The following ARHGAP24 variants were observed in gnomAD, a reference collection of about 807,000 sequenced individuals.
The protein encoded by ARHGAP24 is rho GTPase-activating protein 24.
In ARHGAP24, 50 loss-of-function variants were observed where a neutral mutation model predicts 76.4. The ratio of observed to expected loss-of-function variants is 0.65; its 90% CI spans 0.52 to 0.83. The LOEUF (loss-of-function observed/expected upper bound fraction) is 0.83, where lower values mean the gene tolerates loss of function less well. ARHGAP24 is among the 40% of genes least tolerant of loss of function. ARHGAP24 has a pLI of 0.00. For missense variants in ARHGAP24, 930 were observed against 914.2 expected (o/e 1.02, Z -0.22); for synonymous variants, 345 against 323.3 (o/e 1.07, Z -0.72).
intron 3 of ARHGAP24, among the ~76,000 whole-genome samples, chr4:85,802,993 C>T (rs1728641771): frequency 1.3e-5 from 2 of 152,194 alleles, no homozygotes; most frequent in Non-Finnish European, 2.9e-5. Flanking sequence ...AACTCTTTAG[C>T]ACAGCCTGAG....
rs140636681 is a variant in ARHGAP24, at chr4:85,763,972, T to C, written c.268+42000T>C. ...AAAAGTCAGCATCCTATATTTTTAA[T>C]ATCAATGTACATATCATACTTTATT... On this transcript the variant is annotated intron_variant, in intron 3 of 9. Coordinates refer to ENST00000395184, the MANE Select transcript of ARHGAP24 (RefSeq NM_001025616.3). Among the ~76,000 whole-genome samples the C allele has an allele frequency of 2.4e-3, 372 of 152,300 alleles. 1 individual carries two copies. Among genetic ancestry groups the C allele is most frequent in the Non-Finnish European group, 3.3e-3 (223 of 68,022 alleles).
intron 3 of ARHGAP24, among the ~76,000 whole-genome samples, chr4:85,768,575 A>G (rs1347612557): frequency 1.3e-5 from 2 of 152,132 alleles, no homozygotes; most frequent in Admixed American, 1.3e-4. Flanking sequence ...TGTCTCTACT[A>G]AAAACACAAA....
chr4:85,522,147 G>T lies in ARHGAP24; in HGVS notation c.-21+46588G>T, dbSNP rs190511451. On this transcript the variant is annotated intron_variant, in intron 1 of 9. Coordinates refer to ENST00000395184, the MANE Select transcript of ARHGAP24 (RefSeq NM_001025616.3). ...CATTAAAACAAATAGAAAAATGCAAGTCCATCTGTTTTACTGGTACTTCAG... is the reference window on the plus strand; with the variant it reads ...CATTAAAACAAATAGAAAAATGCAATTCCATCTGTTTTACTGGTACTTCAG... Among the ~76,000 whole-genome samples, 129 of 152,234 alleles carry T rather than the reference G, an allele frequency of 8.5e-4. 1 individual carries two copies. The highest frequency in any genetic ancestry group is 3.4e-3 in the Middle Eastern group (1 of 294).
intron 1 of ARHGAP24, among the ~76,000 whole-genome samples, chr4:85,515,923 C>T (rs1236441304): frequency 6.6e-6 from 1 of 152,098 alleles, no homozygotes; most frequent in Non-Finnish European, 1.5e-5. Flanking sequence ...TCTGCTTAGC[C>T]CTGCCAATGG....
intron 2 of ARHGAP24, among the ~76,000 whole-genome samples, chr4:85,592,252 G>T (rs938103145): frequency 7.2e-5 from 11 of 152,184 alleles, no homozygotes; most frequent in African/African-American, 2.7e-4. Context: ...CTTCTCTGAT[G>T]ATCAATGATG....
chr4:85,638,163 T>G (rs190385408), intron 2 of ARHGAP24, among the ~76,000 whole-genome samples: 2 of 152,286 alleles, frequency 1.3e-5, no homozygotes, highest in East Asian at 3.9e-4. Flanking sequence ...ACGTCAGCCC[T>G]GATTTAAGAA....
intron 1 of ARHGAP24, among the ~76,000 whole-genome samples, chr4:85,562,767 A>T (rs1051156421): frequency 6.6e-6 from 1 of 152,234 alleles, no homozygotes; most frequent in African/African-American, 2.4e-5. Flanking sequence ...GCAGAATATC[A>T]GGAATGGCGT....
chr4:85,915,675 A>AT (rs1735346631), intron 3 of ARHGAP24, among the ~76,000 whole-genome samples: 1 of 149,678 alleles, frequency 6.7e-6, no homozygotes, highest in South Asian at 2.1e-4. Context: ...GTGGTGTTTG[A>AT]TTTTCTGTTC....
At chr4:85,788,003 C>T (rs188016632) in intron 3 of ARHGAP24, among the ~76,000 whole-genome samples, 14 of 152,288 alleles carry the variant, frequency 9.2e-5, no homozygotes, top group African/African-American at 3.4e-4. Flanking sequence ...CCCAGGTTAA[C>T]CCCATGCCCT....
At position 85,826,092 on chromosome 4, in the gene ARHGAP24, G is replaced by A. The variant is rs78807016; in HGVS notation, c.269-97556G>A. On this transcript the variant is annotated intron_variant, in intron 3 of 9. Coordinates refer to ENST00000395184, the MANE Select transcript of ARHGAP24 (RefSeq NM_001025616.3). ...CAGCCCTGTGTGTCTCATAAGACGG[G>A]TGGCCACATTTTCAGTTCCTTTCCT... 1.4e-4 allele frequency among the ~76,000 whole-genome samples: 21 copies of A among 152,194 alleles called. No homozygotes were observed. In the East Asian group the frequency reaches 2.1e-3, roughly 15 times the overall value.
At chr4:85,751,773 G>A (rs892898553) in intron 3 of ARHGAP24, among the ~76,000 whole-genome samples, 2 of 152,158 alleles carry the variant, frequency 1.3e-5, no homozygotes, top group Non-Finnish European at 1.5e-5. Context: ...ACCATTATAG[G>A]AATTAGGTAG....
intron 3 of ARHGAP24, among the ~76,000 whole-genome samples, chr4:85,780,503 CT>C (rs77665076): frequency 0.26 from 39,540 of 151,398 alleles, 5,457 homozygotes; most frequent in African/African-American, 0.31. Context: ...TTTTATAGGA[CT>C]TTTTTTTTCC....
chr4:85,885,826 T>C (rs572597898), intron 3 of ARHGAP24, among the ~76,000 whole-genome samples: 74 of 152,034 alleles, frequency 4.9e-4, no homozygotes, highest in Non-Finnish European at 9.3e-4. Flanking sequence ...AAAGCTAGAG[T>C]TAGATGTGGT....
intron 3 of ARHGAP24, among the ~76,000 whole-genome samples, chr4:85,741,668 G>A (rs72656270): frequency 3.3e-5 from 5 of 152,296 alleles, no homozygotes; most frequent in South Asian, 2.1e-4. Context: ...GTTGGAGGGC[G>A]GGCAACAATG....
At chr4:85,850,389 C>A (rs1186277384) in intron 3 of ARHGAP24, among the ~76,000 whole-genome samples, 4 of 152,004 alleles carry the variant, frequency 2.6e-5, no homozygotes, top group Non-Finnish European at 4.4e-5. Flanking sequence ...TTGATCTTTT[C>A]AAAAAACCAG....
At chr4:85,925,581 AT>A (rs1735977236) in intron 4 of ARHGAP24, among the ~76,000 whole-genome samples, 1 of 152,244 alleles carries the variant, frequency 6.6e-6, no homozygotes, top group Non-Finnish European at 1.5e-5. Context: ...CATAACTTTT[AT>A]TACAGTATAT....
chr4:85,937,052 G>A (rs1736679627), intron 4 of ARHGAP24, among the ~76,000 whole-genome samples: 1 of 152,140 alleles, frequency 6.6e-6, no homozygotes, highest in African/African-American at 2.4e-5. Flanking sequence ...ACAAGCCAGT[G>A]GGCACCATTG....
At chr4:85,528,171 C>G (rs1725091459) in intron 1 of ARHGAP24, among the ~76,000 whole-genome samples, 1 of 151,940 alleles carries the variant, frequency 6.6e-6, no homozygotes, top group Admixed American at 6.6e-5. Context: ...AGGACCAGTC[C>G]ATACAAAGAA....
chr4:85,906,477 A>G (rs1340140380), intron 3 of ARHGAP24, among the ~76,000 whole-genome samples: 1 of 152,216 alleles, frequency 6.6e-6, no homozygotes. Flanking sequence ...TTTGCTCATT[A>G]TGAATTTTCT....
Sources: allele counts gnomAD v4.1 joint callset (sites outside exome capture counted in the v4.1 genomes callset), GRCh38; gene constraint gnomAD v4.1.1; transcripts MANE v1.5; gene names NCBI Gene and HGNC (gene_info 2026-07-23, HGNC 2026-07-21).